Variants in RNF212B observed in about 807,000 individuals in gnomAD.
RNF212B encodes E3 ubiquitin-protein ligase RNF212B.
In RNF212B, 52 loss-of-function variants were observed where a neutral mutation model predicts 55.5. The ratio of observed to expected loss-of-function variants is 0.94; its 90% CI spans 0.75 to 1.18. The LOEUF (loss-of-function observed/expected upper bound fraction) is 1.18, where lower values mean the gene tolerates loss of function less well. RNF212B is among the 50% of genes most tolerant of loss of function. The pLI is 0.00. For missense variants in RNF212B, 289 were observed against 350.4 expected, an observed-to-expected ratio of 0.82 and a Z score of 1.40; for synonymous variants, 99 against 121.4, an observed-to-expected ratio of 0.82 and a Z score of 1.21.
chr14:23,213,048 T>G (rs543025562), intron 2 of RNF212B, among the ~76,000 whole-genome samples: 1 of 151,842 alleles, frequency 6.6e-6, no homozygotes, highest in Non-Finnish European at 1.5e-5. Flanking sequence ...CATGGTGGGT[T>G]ATGCCTGTAA....
chr14:23,271,772 T>C (rs1204545820), intron 14 of RNF212B, among the ~76,000 whole-genome samples: 1 of 152,128 alleles, frequency 6.6e-6, no homozygotes, highest in Non-Finnish European at 1.5e-5. Context: ...TCTACAAATA[T>C]ATGGCCCCTA....
intron 1 of RNF212B, among the ~76,000 whole-genome samples, chr14:23,239,821 G>T (rs1026868891): frequency 6.6e-6 from 1 of 151,928 alleles, no homozygotes; most frequent in African/African-American, 2.4e-5. Flanking sequence ...GTTTCACCAT[G>T]TTGGCCAGGC....
At chr14:23,221,202 CATGGTGAAACCCTGTCTCTACTGAAAATA>C (rs1881542693) in intron 2 of RNF212B, among the ~76,000 whole-genome samples, 1 of 146,546 alleles carries the variant, frequency 6.8e-6, no homozygotes, top group Non-Finnish European at 1.5e-5. Flanking sequence ...GCCTGGCCAG[CATGGTGAAACCCTGTCTCTACTGAAAATA>C]GGAAAAAAAA....
chr14:23,248,444 T>C (rs1159915829), intron 4 of RNF212B, among the ~76,000 whole-genome samples: 2 of 145,568 alleles, frequency 1.4e-5, no homozygotes, highest in African/African-American at 5.0e-5. Flanking sequence ...AAGCCTCTTT[T>C]TTTTTTTTTT....
At position 23,238,507 on chromosome 14, in the gene RNF212B, C is replaced by T. The variant is rs562139723; in HGVS notation, c.-2+452C>T. Among the ~76,000 whole-genome samples, 8 of 151,878 alleles carry T rather than the reference C, an allele frequency of 5.3e-5. No homozygotes were observed. In the South Asian group the frequency reaches 1.7e-3, roughly 32 times the overall value. On this transcript the variant is annotated intron_variant, in intron 1 of 14. Coordinates refer to ENST00000430154, the MANE Select transcript of RNF212B (RefSeq NM_001282322.3). ...CTTTGGGAGGCCAAGGAAGGAGGAT[C>T]GTTTGAGTCCAGGAGTTCCAGACCA...
chr14:23,196,434 CA>C (rs1237452643), intron 2 of RNF212B, among the ~76,000 whole-genome samples: 1 of 151,734 alleles, frequency 6.6e-6, no homozygotes, highest in Admixed American at 6.6e-5. Context: ...CCAAAGGGCT[CA>C]AAAAAACAAA....
In RNF212B at chr14:23,270,624, TAGAG is replaced by T. The variant is rs1258079982; in HGVS notation, c.800_803del (p.Glu267ValfsTer50). 6.5e-7 allele frequency: 1 copy of T among 1,550,138 alleles called. No homozygotes were observed. Among genetic ancestry groups the T allele is most frequent in the African/African-American group, 1.4e-5 (1 of 73,044 alleles). On this transcript the variant is annotated frameshift_variant, in exon 14 of 15. Transcript: ENST00000430154. LOFTEE classifies it high-confidence loss of function. ...GCTCAGAGGGAGAGCACAACTACAC[TAGAG>T]AGTCTTCCTAGTTTCCAGCTACCAG...
intron 3 of RNF212B, 72 bp downstream of exon 3, chr14:23,243,380 A>G (rs1301438187): frequency 2.0e-5 from 25 of 1,271,770 alleles, no homozygotes; most frequent in Non-Finnish European, 2.7e-5. Flanking sequence ...TACAAAGTAC[A>G]GATGATGAAT....
chr14:23,272,738 A>G, intron 14 of RNF212B, 85 bp from the exon 15 acceptor site: 1 of 826,860 alleles, frequency 1.2e-6, no homozygotes, highest in Non-Finnish European at 2.0e-6. Context: ...TGTCTCGATA[A>G]GCTTCATACA....
chr14:23,209,179 G>A (rs1368413394), intron 2 of RNF212B, among the ~76,000 whole-genome samples: 2 of 152,198 alleles, frequency 1.3e-5, no homozygotes, highest in Admixed American at 6.5e-5. Context: ...TTTGTAAACT[G>A]TCATGGTGCT....
chr14:23,254,682 C>T (rs1884681870), intron 4 of RNF212B, among the ~76,000 whole-genome samples: 1 of 152,198 alleles, frequency 6.6e-6, no homozygotes, highest in South Asian at 2.1e-4. Flanking sequence ...GCATGAGCCA[C>T]TGCACCTGGC....
chr14:23,187,904 G>A (rs1274893090), intron 1 of RNF212B, among the ~76,000 whole-genome samples: 2 of 151,766 alleles, frequency 1.3e-5, no homozygotes, highest in African/African-American at 4.8e-5. Context: ...ATTAGAAAAT[G>A]AAAAGCAGAT....
intron 5 of RNF212B, 85 bp downstream of exon 5, chr14:23,258,749 T>C: frequency 1.8e-6 from 1 of 549,714 alleles, no homozygotes; most frequent in Non-Finnish European, 3.0e-6. Context: ...TTGCAAAGCC[T>C]GGAAATTGCT....
At chr14:23,201,939 A>T (rs1879328454) in intron 2 of RNF212B, among the ~76,000 whole-genome samples, 1 of 152,162 alleles carries the variant, frequency 6.6e-6, no homozygotes, top group Admixed American at 6.6e-5. Flanking sequence ...AACCTTTTAT[A>T]ACCTTTATAA....
chr14:23,259,963 C>A lies in RNF212B; in HGVS notation c.405+19C>A. 1 of 1,298,852 alleles carries A rather than the reference C, an allele frequency of 7.7e-7. No individual in the cohort carries two copies. Among genetic ancestry groups the A allele is most frequent in the Non-Finnish European group, 1.1e-6 (1 of 947,052 alleles). 80.5% of individuals were successfully genotyped at this position (1,298,852 alleles called of 1,614,324 possible). A position where few individuals can be genotyped will look rare whatever the true frequency, so the allele number is the denominator to read the frequency against. Reference sequence around the variant, plus strand: ...TCTAAAGGTGAATGAAATAGATTTTCCTTATTATTATTTTCTCTCTTACTT... The same window carrying A: ...TCTAAAGGTGAATGAAATAGATTTTACTTATTATTATTTTCTCTCTTACTT... On this transcript the variant is annotated intron_variant, in intron 6 of 14. Coordinates refer to ENST00000430154, the MANE Select transcript of RNF212B (RefSeq NM_001282322.3).
At chr14:23,264,273 C>T in intron 10 of RNF212B, 39 bp downstream of exon 10, 1 of 1,454,578 alleles carries the variant, frequency 6.9e-7, no homozygotes, top group East Asian at 2.5e-5. Context: ...ATTGAAGTTT[C>T]TAATGCTAAA....
At chr14:23,194,117 C>T (rs555258141) in intron 2 of RNF212B, among the ~76,000 whole-genome samples, 77 of 152,270 alleles carry the variant, frequency 5.1e-4, no homozygotes, top group African/African-American at 1.8e-3. Flanking sequence ...GCTGGGTTTA[C>T]AGGCATGAGC....
intron 1 of RNF212B, among the ~76,000 whole-genome samples, chr14:23,239,777 C>A (rs1272173393): frequency 6.6e-6 from 1 of 151,932 alleles, no homozygotes; most frequent in South Asian, 2.1e-4. Flanking sequence ...TGCCACCATG[C>A]CCAGCTAATT....
chr14:23,209,044 C>CA (rs1357204391), intron 2 of RNF212B, among the ~76,000 whole-genome samples: 1 of 152,172 alleles, frequency 6.6e-6, no homozygotes, highest in African/African-American at 2.4e-5. Flanking sequence ...AGGCGTGAGC[C>CA]ACCGTGCCCG....
Sources: allele counts gnomAD v4.1 joint callset (sites outside exome capture counted in the v4.1 genomes callset), GRCh38; gene constraint gnomAD v4.1.1; transcripts MANE v1.5; gene names NCBI Gene and HGNC (gene_info 2026-07-23, HGNC 2026-07-21).